The following APBB2 variants were observed in gnomAD, a reference collection of about 807,000 sequenced individuals.
APBB2 encodes the protein Fe65-like 1.
A neutral mutation model predicts 82.5 loss-of-function variants in APBB2; 38 were observed. The ratio of observed to expected loss-of-function variants is 0.46; its 90% CI spans 0.36 to 0.60. APBB2 has a LOEUF of 0.60. Ranked by LOEUF, APBB2 falls within the 20% of genes least tolerant of loss-of-function variation. The pLI, the probability that APBB2 is intolerant of heterozygous loss-of-function variation, is 0.00. For missense variants in APBB2, 772 were observed against 972.3 expected (o/e 0.79, Z 2.74); for synonymous variants, 341 against 368.2 (o/e 0.93, Z 0.85).
At chr4:40,922,204 T>C (rs1781439077) in intron 10 of APBB2, among the ~76,000 whole-genome samples, 1 of 152,256 alleles carries the variant, frequency 6.6e-6, no homozygotes, top group African/African-American at 2.4e-5. Context: ...TGCAGTGCAG[T>C]TGCAAGCTAC....
intron 6 of APBB2, among the ~76,000 whole-genome samples, chr4:40,961,667 TAA>T (rs60942744): frequency 3.1e-3 from 211 of 68,200 alleles, no homozygotes; most frequent in East Asian, 5.9e-3. Context: ...AAAAAAGATG[TAA>T]AAAAAAAAAA....
intron 1 of APBB2, among the ~76,000 whole-genome samples, chr4:41,167,942 G>A (rs893317433): frequency 5.9e-5 from 9 of 152,248 alleles, no homozygotes; most frequent in Admixed American, 3.3e-4. Context: ...CACAAGGTCA[G>A]GACAGAAACT....
At chr4:40,983,233 C>T (rs1488284493) in intron 6 of APBB2, among the ~76,000 whole-genome samples, 1 of 152,174 alleles carries the variant, frequency 6.6e-6, no homozygotes, top group Non-Finnish European at 1.5e-5. Flanking sequence ...GATTCAAGCC[C>T]AGGCAGTCTT....
chr4:40,856,710 A>T (rs1324065825), intron 12 of APBB2, among the ~76,000 whole-genome samples: 1 of 152,220 alleles, frequency 6.6e-6, no homozygotes. Context: ...TGCAGACCCC[A>T]TCAATGAATA....
At chr4:41,154,629 T>C (rs1763025649) in intron 1 of APBB2, among the ~76,000 whole-genome samples, 1 of 152,204 alleles carries the variant, frequency 6.6e-6, no homozygotes, top group Non-Finnish European at 1.5e-5. Context: ...AACTCTCTCA[T>C]GCACGCTTTA....
intron 5 of APBB2, among the ~76,000 whole-genome samples, chr4:41,032,647 C>T (rs1293920067): frequency 6.6e-6 from 1 of 152,074 alleles, no homozygotes; most frequent in East Asian, 1.9e-4. Context: ...TAAAATTTGA[C>T]AGTTTTAAGC....
intron 5 of APBB2, among the ~76,000 whole-genome samples, chr4:41,018,382 G>T (rs1810586613): frequency 6.6e-6 from 1 of 152,118 alleles, no homozygotes; most frequent in Non-Finnish European, 1.5e-5. Context: ...GGAATAAGTG[G>T]GCTACTCACC....
At chr4:41,033,915 GA>G (rs1330124997) in intron 4 of APBB2, among the ~76,000 whole-genome samples, 1 of 152,100 alleles carries the variant, frequency 6.6e-6, no homozygotes, top group Non-Finnish European at 1.5e-5. Flanking sequence ...CAAAACTTAA[GA>G]AAATACCAAT....
Position 40,814,587 on chromosome 4 carries a change from T to C in APBB2, c.*1505A>G, listed in dbSNP as rs1745125985. The C allele has an allele frequency of 1.3e-5, 2 of 152,246 alleles. No homozygotes were observed. Among genetic ancestry groups the C allele is most frequent in the African/African-American group, 4.8e-5 (2 of 41,468 alleles). 9.4% of individuals were successfully genotyped at this position (152,246 alleles called of 1,614,324 possible). A position where few individuals can be genotyped will look rare whatever the true frequency, so the allele number is the denominator to read the frequency against. On this transcript the variant is annotated 3_prime_UTR_variant, in exon 18 of 18. Coordinates refer to ENST00000508593, the MANE Select transcript of APBB2 (RefSeq NM_004307.2). Reference sequence around the variant, plus strand: ...ATGTGATAAGAATGTGGAAACCATTTTGACAAGTACATAGCAGTGTATAAA... The same window carrying C: ...ATGTGATAAGAATGTGGAAACCATTCTGACAAGTACATAGCAGTGTATAAA...
At chr4:40,995,058 G>C (rs1182535105) in intron 6 of APBB2, among the ~76,000 whole-genome samples, 1 of 152,018 alleles carries the variant, frequency 6.6e-6, no homozygotes, top group Admixed American at 6.5e-5. Flanking sequence ...TCAAGGGAAA[G>C]AAGGACAGCG....
intron 1 of APBB2, among the ~76,000 whole-genome samples, chr4:41,154,673 C>T (rs1763036900): frequency 1.3e-5 from 2 of 152,196 alleles, no homozygotes; most frequent in Admixed American, 6.5e-5. Flanking sequence ...ACCTAGACCA[C>T]AGTCACTTAT....
chr4:40,949,935 G>T (rs1158742538), intron 6 of APBB2, among the ~76,000 whole-genome samples: 1 of 152,188 alleles, frequency 6.6e-6, no homozygotes, highest in African/African-American at 2.4e-5. Flanking sequence ...TGTGTCATGT[G>T]CAACAGTCCT....
At chr4:40,860,152 T>G (rs565387907) in intron 12 of APBB2, among the ~76,000 whole-genome samples, 1 of 152,364 alleles carries the variant, frequency 6.6e-6, no homozygotes, top group South Asian at 2.1e-4. Context: ...CAACCTTGGC[T>G]GAAGAGAGCC....
At position 40,812,090 on chromosome 4, in the gene APBB2, A is replaced by C. The variant is rs1446365309; in HGVS notation, c.*4002T>G. 6.6e-6 allele frequency: 1 copy of C among 152,198 alleles called. No individual in the cohort carries two copies. Among genetic ancestry groups the C allele is most frequent in the East Asian group, 1.9e-4 (1 of 5,196 alleles). 9.4% of individuals were successfully genotyped at this position (152,198 alleles called of 1,614,324 possible). ...GGCCAGCTGGCCTTCCTGATCACCA[A>C]ATAAGTACAGGGTGATTACTCAAAA... On this transcript the variant is annotated 3_prime_UTR_variant, in exon 18 of 18. Coordinates refer to ENST00000508593, the MANE Select transcript of APBB2 (RefSeq NM_004307.2).
intron 4 of APBB2, among the ~76,000 whole-genome samples, chr4:41,041,588 C>G (rs1345996707): frequency 6.6e-6 from 1 of 152,170 alleles, no homozygotes; most frequent in African/African-American, 2.4e-5. Context: ...CCTTAATTTA[C>G]CACTTATATA....
intron 3 of APBB2, among the ~76,000 whole-genome samples, chr4:41,077,532 G>A (rs892593879): frequency 6.6e-6 from 1 of 152,112 alleles, no homozygotes; most frequent in African/African-American, 2.4e-5. Flanking sequence ...CATAGAGTCA[G>A]AAGAGCATGC....
intron 2 of APBB2, among the ~76,000 whole-genome samples, chr4:41,131,758 G>A (rs532274586): frequency 1.3e-3 from 201 of 152,090 alleles, no homozygotes; most frequent in African/African-American, 4.7e-3. Flanking sequence ...ATAAAACTTC[G>A]GCCGGGCACA....
At chr4:41,037,021 T>C (rs1181690564) in intron 4 of APBB2, among the ~76,000 whole-genome samples, 1 of 152,230 alleles carries the variant, frequency 6.6e-6, no homozygotes, top group African/African-American at 2.4e-5. Context: ...TGTCTACTAG[T>C]ACCTAGAAGC....
intron 12 of APBB2, among the ~76,000 whole-genome samples, chr4:40,875,745 T>C (rs1404462135): frequency 6.6e-6 from 1 of 152,058 alleles, no homozygotes; most frequent in Non-Finnish European, 1.5e-5. Context: ...TCTGGGAGAG[T>C]AGTTGTTAAT....
Sources: allele counts gnomAD v4.1 joint callset (sites outside exome capture counted in the v4.1 genomes callset), GRCh38; gene constraint gnomAD v4.1.1; transcripts MANE v1.5; gene names NCBI Gene and HGNC (gene_info 2026-07-23, HGNC 2026-07-21).